The following MSX1 variants were observed in gnomAD, a reference collection of about 807,000 sequenced individuals.
The protein encoded by MSX1 is homeobox protein MSX-1.
In MSX1, 11 loss-of-function variants were observed where a neutral mutation model predicts 17.0. That is an observed-to-expected ratio of 0.65 (90% CI 0.41 to 1.07). The LOEUF is 1.07. MSX1 is among the 50% of genes least tolerant of loss of function. MSX1 has a pLI of 0.00. For synonymous variants in MSX1, 253 were observed against 211.8 expected, an observed-to-expected ratio of 1.19 and a Z score of -1.69; for missense variants, 477 against 440.1, an observed-to-expected ratio of 1.08 and a Z score of -0.75.
chr4:4,861,113 G>A (rs1237476522), intron 1 of MSX1, among the ~76,000 whole-genome samples: 2 of 152,260 alleles, frequency 1.3e-5, no homozygotes, highest in Non-Finnish European at 2.9e-5. Context: ...CAGGAGCACG[G>A]GAAATTCCCA....
Position 4,860,073 on chromosome 4 carries a change from C to G in MSX1, c.174C>G (p.Leu58=). ...EGAKPKVSPS[L]LPFSVEALMA... ...CCAAGCCCAAAGTGTCCCCTTCGCT[C>G]CTGCCCTTCAGCGTGGAGGCGCTCA... Residue 58 remains leucine, a synonymous_variant, in exon 1 of 2, where the codon CTC becomes CTG. Coordinates refer to ENST00000382723, the MANE Select transcript of MSX1 (RefSeq NM_002448.3). 3 of 1,522,574 alleles carry G rather than the reference C, an allele frequency of 2.0e-6. No individual in the cohort carries two copies. The highest frequency in any genetic ancestry group is 2.6e-5 in the East Asian group (1 of 37,798). The allele number at this position is 1,522,574 out of a possible 1,614,324, so 94.3% of individuals were successfully genotyped here.
chr4:4,860,917 C>G (rs1207946805), intron 1 of MSX1, among the ~76,000 whole-genome samples: 1 of 152,148 alleles, frequency 6.6e-6, no homozygotes, highest in Non-Finnish European at 1.5e-5. Context: ...TGGGGACATT[C>G]AGGTTCCAGT....
In MSX1 at chr4:4,862,743, C is replaced by G; in HGVS notation, c.512C>G (p.Thr171Arg). 1.2e-6 allele frequency: 2 copies of G among 1,613,306 alleles called. No individual in the cohort carries two copies. The highest frequency in any genetic ancestry group is 2.2e-5 in the East Asian group (1 of 44,886). Residue 171 changes from threonine to arginine, a missense_variant, in exon 2 of 2, where the codon ACG (threonine) becomes AGG (arginine). Physicochemically the swap from Thr to Arg is moderately conservative, Grantham distance 71. Around this residue, in one of 3 missense-constraint regions of MSX1, gnomAD observed 355 missense variants for 306.1 expected, o/e 1.16. Transcript: ENST00000382723. ...PPACTLRKHK[T>R]NRKPRTPFTT... The stretch of plus-strand genomic sequence containing the variant: ...GCCTGCACCCTCCGCAAACACAAGA[C>G]GAACCGTAAGCCGCGGACGCCCTTC...
Position 4,859,815 on chromosome 4 carries a change from A to C in MSX1, c.-85A>C. 8.2e-7 allele frequency: 1 copy of C among 1,218,116 alleles called. No individual in the cohort carries two copies. The highest frequency in any genetic ancestry group is 1.0e-6 in the Non-Finnish European group (1 of 959,172). The allele number at this position is 1,218,116 out of a possible 1,614,324, so 75.5% of individuals were successfully genotyped here. A position where few individuals can be genotyped will look rare whatever the true frequency, so the allele number is the denominator to read the frequency against. On this transcript the variant is annotated 5_prime_UTR_variant, in exon 1 of 2. Coordinates refer to ENST00000382723, the MANE Select transcript of MSX1 (RefSeq NM_002448.3). The stretch of plus-strand genomic sequence containing the variant: ...CCCGGCCAGGGCCCCGGGCGCTCGC[A>C]GAGGCCGGCCGCGCTCCCAGCCCGC...
rs1045285555 is a variant in MSX1 at position 4,863,332 on chromosome 4, T to A, written c.*189T>A. The A allele has an allele frequency of 1.8e-6, 1 of 553,330 alleles. No individual in the cohort carries two copies. 34.3% of individuals were successfully genotyped at this position (553,330 alleles called of 1,614,324 possible). ...CCCTGCCAAAAAGTGGCTGGAAGAG[T>A]CCCTTAGTACTCTTCTAGCATTTAG... On this transcript the variant is annotated 3_prime_UTR_variant, in exon 2 of 2. Coordinates refer to ENST00000382723, the MANE Select transcript of MSX1 (RefSeq NM_002448.3).
At position 4,860,028 on chromosome 4, in the gene MSX1, G is replaced by C. The variant is rs1422809378; in HGVS notation, c.129G>C (p.Met43Ile). 11 of 1,505,822 alleles carry C rather than the reference G, an allele frequency of 7.3e-6. No individual in the cohort carries two copies. Among genetic ancestry groups the C allele is most frequent in the Non-Finnish European group, 9.8e-6 (11 of 1,128,018 alleles). 93.3% of individuals were successfully genotyped at this position (1,505,822 alleles called of 1,614,324 possible). ...CCGCCGCGGCCACGGCAGCCGCCAT[G>C]GGCGCGGACGAGGAGGGGGCCAAGC... ...PSAAAATAAA[M>I]GADEEGAKPK... Residue 43 changes from methionine (M) to isoleucine (I), a missense_variant, in exon 1 of 2, where the codon ATG becomes ATC. Transcript: ENST00000382723.
chr4:4,859,831 C>T lies in MSX1; in HGVS notation c.-69C>T, dbSNP rs1737863302. 3.0e-6 allele frequency: 4 copies of T among 1,346,190 alleles called. No individual in the cohort carries two copies. The highest frequency in any genetic ancestry group is 3.1e-5 in the African/African-American group (2 of 64,680). 83.4% of individuals were successfully genotyped at this position (1,346,190 alleles called of 1,614,324 possible). On this transcript the variant is annotated 5_prime_UTR_variant, in exon 1 of 2. Coordinates refer to ENST00000382723, the MANE Select transcript of MSX1 (RefSeq NM_002448.3). ...GGCGCTCGCAGAGGCCGGCCGCGCTCCCAGCCCGCCCGGAGCCCATGCCCG... is the reference window on the plus strand; with the variant it reads ...GGCGCTCGCAGAGGCCGGCCGCGCTTCCAGCCCGCCCGGAGCCCATGCCCG...
rs1362640194 is a variant in MSX1, at chr4:4,862,978, T to G, written c.747T>G (p.Ala249=). 6.2e-7 allele frequency: 1 copy of G among 1,613,056 alleles called. No homozygotes were observed. The highest frequency in any genetic ancestry group is 8.5e-7 in the Non-Finnish European group (1 of 1,179,972). The part of the protein sequence containing the change: ...KMAAKPMLPP[A]AFGLSFPLGG... ...CCGCCAAGCCCATGCTGCCACCGGC[T>G]GCCTTCGGCCTCTCCTTCCCTCTCG... is the stretch of plus-strand genomic sequence containing the variant. The change falls in exon 2 of 2, where the codon GCT becomes GCG. Residue 249 remains alanine (A), a synonymous_variant. Coordinates refer to ENST00000382723, the MANE Select transcript of MSX1 (RefSeq NM_002448.3).
In MSX1 at chr4:4,860,175, G is replaced by A; in HGVS notation, c.276G>A (p.Ser92=). Residue 92 remains serine, a synonymous_variant, in exon 1 of 2, where the codon TCG becomes TCA. Coordinates refer to ENST00000382723, the MANE Select transcript of MSX1 (RefSeq NM_002448.3). ...PSEGVQAAGG[S]AQPLGVPPGS... ...AGGGCGTGCAGGCGGCGGGTGGCTCGGCGCAGCCACTGGGCGTCCCGCCGG... is the reference window on the plus strand; with the variant it reads ...AGGGCGTGCAGGCGGCGGGTGGCTCAGCGCAGCCACTGGGCGTCCCGCCGG... The A allele has an allele frequency of 1.3e-6, 2 of 1,507,022 alleles. No individual in the cohort carries two copies. The highest frequency in any genetic ancestry group is 1.8e-6 in the Non-Finnish European group (2 of 1,134,960). The allele number at this position is 1,507,022 out of a possible 1,614,324, so 93.4% of individuals were successfully genotyped here. A position where few individuals can be genotyped will look rare whatever the true frequency, so the allele number is the denominator to read the frequency against.
rs1414674827 is a variant in MSX1, at chr4:4,859,988, G to A, written c.89G>A (p.Gly30Asp). ...GGCAAGCCGGCGGGGGGAGGCGCGG[G>A]CCAGGCCCCCAGCGCCGCCGCGGCC... Reference protein sequence around the residue: ...AFGKPAGGGAGQAPSAAAATA... With the variant: ...AFGKPAGGGADQAPSAAAATA... Residue 30 changes from glycine to aspartate, a missense_variant, in exon 1 of 2, where the codon GGC (glycine) becomes GAC (aspartate). Physicochemically the swap from Gly to Asp is moderately conservative, Grantham distance 94 (BLOSUM62 -1). Transcript: ENST00000382723. 8 of 1,492,732 alleles carry A rather than the reference G, an allele frequency of 5.4e-6. No homozygotes were observed. The highest frequency in any genetic ancestry group is 7.1e-6 in the Non-Finnish European group (8 of 1,121,890). 92.5% of individuals were successfully genotyped at this position (1,492,732 alleles called of 1,614,324 possible). A position where few individuals can be genotyped will look rare whatever the true frequency, so the allele number is the denominator to read the frequency against.
rs1737951282 is a variant in MSX1, at chr4:4,862,967, C to T, written c.736C>T (p.Leu246=). Residue 246 remains leucine (L), a synonymous_variant, in exon 2 of 2, where the codon CTG becomes TTG. Transcript: ENST00000382723. ...EKLKMAAKPM[L]PPAAFGLSFP... ...GCTGAAGATGGCCGCCAAGCCCATG[C>T]TGCCACCGGCTGCCTTCGGCCTCTC... The T allele has an allele frequency of 6.2e-7, 1 of 1,613,004 alleles. No homozygotes were observed.
Position 4,860,009 on chromosome 4 carries a change from C to G in MSX1, c.110C>G (p.Ala37Gly). The G allele has an allele frequency of 6.7e-7, 1 of 1,497,480 alleles. No homozygotes were observed. Among genetic ancestry groups the G allele is most frequent in the Non-Finnish European group, 8.9e-7 (1 of 1,124,774 alleles). 92.8% of individuals were successfully genotyped at this position (1,497,480 alleles called of 1,614,324 possible). A position where few individuals can be genotyped will look rare whatever the true frequency, so the allele number is the denominator to read the frequency against. ...GGAGQAPSAAAATAAAMGADE... is the reference protein window; with the variant it reads ...GGAGQAPSAAGATAAAMGADE... ...GCGGGCCAGGCCCCCAGCGCCGCCG[C>G]GGCCACGGCAGCCGCCATGGGCGCG... The change falls in exon 1 of 2, where the codon GCG becomes GGG. Residue 37 changes from alanine to glycine, a missense_variant. Physicochemically the swap from Ala to Gly is moderately conservative, Grantham distance 60. This residue lies in a region of MSX1 where 355 missense variants were observed against 306.1 expected (regional missense o/e 1.16). Transcript: ENST00000382723.
chr4:4,862,613 T>C (rs772149098), intron 1 of MSX1, 88 bp from the exon 2 acceptor site: 1 of 1,466,166 alleles, frequency 6.8e-7, no homozygotes, highest in Non-Finnish European at 9.4e-7. Flanking sequence ...TATCTGGTAT[T>C]GTTTGGCTAT....
chr4:4,860,860 G>A (rs1015618008), intron 1 of MSX1, among the ~76,000 whole-genome samples: 1 of 152,188 alleles, frequency 6.6e-6, no homozygotes, highest in African/African-American at 2.4e-5. Context: ...TGCCCTTTGA[G>A]TTTGAGGCAG....
Position 4,862,763 on chromosome 4 carries a change from C to G in MSX1, c.532C>G (p.Pro178Ala). The change falls in exon 2 of 2, where the codon CCC (proline) becomes GCC (alanine). Residue 178 changes from proline (P) to alanine (A), a missense_variant. Physicochemically the swap from Pro to Ala is conservative, Grantham distance 27. Around this residue, in one of 3 missense-constraint regions of MSX1, gnomAD observed 355 missense variants for 306.1 expected, o/e 1.16. Coordinates refer to ENST00000382723, the MANE Select transcript of MSX1 (RefSeq NM_002448.3). The part of the protein sequence containing the change: ...KHKTNRKPRT[P>A]FTTAQLLALE... ...CAAGACGAACCGTAAGCCGCGGACG[C>G]CCTTCACCACCGCGCAGCTGCTGGC... 2 of 1,613,552 alleles carry G rather than the reference C, an allele frequency of 1.2e-6. No homozygotes were observed. The highest frequency in any genetic ancestry group is 2.2e-5 in the East Asian group (1 of 44,878).
rs1178632086 is a variant in MSX1 at position 4,863,817 on chromosome 4, T to A, written c.*674T>A. 6.6e-6 allele frequency: 1 copy of A among 152,150 alleles called. No homozygotes were observed. The highest frequency in any genetic ancestry group is 1.5e-5 in the Non-Finnish European group (1 of 67,934). The allele number at this position is 152,150 out of a possible 1,614,324, so 9.4% of individuals were successfully genotyped here. A position where few individuals can be genotyped will look rare whatever the true frequency, so the allele number is the denominator to read the frequency against. On this transcript the variant is annotated 3_prime_UTR_variant, in exon 2 of 2. Transcript: ENST00000382723. ...CTATTTAACAGTACATTTGTGTGGC[T>A]CTCAAACATCCCTTTGGAAGGGATT...
intron 1 of MSX1, among the ~76,000 whole-genome samples, chr4:4,860,727 A>C (rs1444814657): frequency 6.6e-6 from 1 of 152,230 alleles, no homozygotes; most frequent in Non-Finnish European, 1.5e-5. Flanking sequence ...GTGGTGCGGT[A>C]TCTTCCCTGC....
intron 1 of MSX1, among the ~76,000 whole-genome samples, chr4:4,861,047 C>G (rs1396057336): frequency 6.6e-6 from 1 of 152,274 alleles, no homozygotes; most frequent in Admixed American, 6.5e-5. Flanking sequence ...GCGGTTCGCT[C>G]CAAGGCCTCA....
intron 1 of MSX1, among the ~76,000 whole-genome samples, chr4:4,860,902 A>G (rs1737902747): frequency 6.6e-6 from 1 of 152,030 alleles, no homozygotes; most frequent in African/African-American, 2.4e-5. Context: ...TGGATGATTC[A>G]GGGGTGGGGA....
Sources: gnomAD v4.1 joint callset for allele counts (sites outside exome capture counted in the v4.1 genomes callset) on GRCh38, gnomAD v4.1.1 for gene constraint, gnomAD v4.1.1 regional missense constraint, MANE v1.5 for transcripts, NCBI Gene and HGNC (gene_info 2026-07-23, HGNC 2026-07-21) for gene names.